The following ATG7 variants were observed in gnomAD, a reference collection of about 807,000 sequenced individuals.
ATG7 encodes the protein autophagy related 7.
In ATG7, 70 loss-of-function variants were observed where a neutral mutation model predicts 82.4. The ratio of observed to expected loss-of-function variants is 0.85; its 90% CI spans 0.70 to 1.04. The LOEUF (loss-of-function observed/expected upper bound fraction) is 1.04. Ranked by LOEUF, ATG7 falls within the 50% of genes least tolerant of loss-of-function variation. The pLI is 0.00. For synonymous variants in ATG7, 287 were observed against 313.0 expected, an observed-to-expected ratio of 0.92 and a Z score of 0.88; for missense variants, 792 against 864.3, an observed-to-expected ratio of 0.92 and a Z score of 1.05.
intron 8 of ATG7, 57 bp downstream of exon 8, chr3:11,313,477 A>G: frequency 7.8e-7 from 1 of 1,277,168 alleles, no homozygotes; most frequent in Non-Finnish European, 1.1e-6. Flanking sequence ...AAGAGTAGTT[A>G]TGTAGTTCTT....
Position 11,368,650 on chromosome 3 carries a change from G to GGCAC in ATG7, c.1875+3921_1875+3924dup, listed in dbSNP as rs1255228676. On this transcript the variant is annotated intron_variant, in intron 18 of 20. Coordinates refer to ENST00000693202, the MANE Select transcript of ATG7 (RefSeq NM_001349232.2). ...CTACAAAAAATTAGCCAGGTGTGGTGGCACGCACCTGTGGGAGTTTGAGGC... is the reference window on the plus strand; with the variant it reads ...CTACAAAAAATTAGCCAGGTGTGGTGGCACGCACGCACCTGTGGGAGTTTGAGGC... Among the ~76,000 whole-genome samples, 4 of 151,128 alleles carry GGCAC rather than the reference G, an allele frequency of 2.6e-5. 1 individual carries two copies. Among genetic ancestry groups the GGCAC allele is most frequent in the Admixed American group, 2.0e-4 (3 of 15,124 alleles).
chr3:11,507,361 C>T (rs1005344949), intron 20 of ATG7, among the ~76,000 whole-genome samples: 1 of 152,096 alleles, frequency 6.6e-6, no homozygotes, highest in African/African-American at 2.4e-5. Flanking sequence ...TGTTGAAATA[C>T]AATTATCAAA....
chr3:11,550,771 CT>C (rs2071701617), intron 20 of ATG7, among the ~76,000 whole-genome samples: 1 of 151,962 alleles, frequency 6.6e-6, no homozygotes, highest in African/African-American at 2.4e-5. Context: ...CTCAGTTTGC[CT>C]TTTTGACTGT....
intron 20 of ATG7, among the ~76,000 whole-genome samples, chr3:11,528,872 A>G (rs1435726427): frequency 2.6e-5 from 4 of 152,066 alleles, no homozygotes; most frequent in Non-Finnish European, 5.9e-5. Context: ...TGAGAATAAA[A>G]TCACAATTCA....
At chr3:11,400,353 A>G (rs1419106613) in intron 19 of ATG7, among the ~76,000 whole-genome samples, 2 of 151,366 alleles carry the variant, frequency 1.3e-5, no homozygotes, top group African/African-American at 4.9e-5. Context: ...TACCCAGATA[A>G]TAGGGGTAGG....
At chr3:11,340,875 T>C (rs1326877698) in intron 12 of ATG7, 140 bp downstream of exon 12, 12 of 669,956 alleles carry the variant, frequency 1.8e-5, no homozygotes, top group African/African-American at 7.3e-5. Flanking sequence ...TGCTCTTCAA[T>C]TGAAGTTTGG....
intron 8 of ATG7, 48 bp from the exon 9 acceptor site, chr3:11,315,296 C>T: frequency 6.9e-7 from 1 of 1,458,826 alleles, no homozygotes; most frequent in Non-Finnish European, 9.1e-7. Context: ...TAGCCCAGAA[C>T]TAGAAATGTA....
intron 20 of ATG7, among the ~76,000 whole-genome samples, chr3:11,547,612 G>A (rs2071406157): frequency 6.6e-6 from 1 of 152,264 alleles, no homozygotes; most frequent in South Asian, 2.1e-4. Flanking sequence ...TTATGAGGTG[G>A]CTGAACCATT....
At chr3:11,497,361 A>ATATATATGTG (rs1287065693) in intron 20 of ATG7, among the ~76,000 whole-genome samples, 1 of 57,900 alleles carries the variant, frequency 1.7e-5, no homozygotes, top group African/African-American at 7.0e-5. Context: ...AAAATACTAT[A>ATATATATGTG]TATATATATA....
chr3:11,540,978 C>T (rs1192576222), intron 20 of ATG7, among the ~76,000 whole-genome samples: 2 of 149,942 alleles, frequency 1.3e-5, no homozygotes, highest in African/African-American at 2.4e-5. Context: ...TGGCTCACTG[C>T]AAGCTCCGCC....
At chr3:11,501,855 A>G (rs1190871582) in intron 20 of ATG7, among the ~76,000 whole-genome samples, 1 of 151,918 alleles carries the variant, frequency 6.6e-6, no homozygotes, top group Non-Finnish European at 1.5e-5. Flanking sequence ...ACATCCGGCT[A>G]ATTTTTGCAT....
chr3:11,558,379 C>G (rs1378327428), downstream of ATG7: 3 of 1,067,266 alleles, frequency 2.8e-6, no homozygotes, highest in African/African-American at 4.8e-5. Flanking sequence ...CCCCCTTGTA[C>G]GGATACCAAG....
At chr3:11,359,532 A>G (rs2076152371) in intron 15 of ATG7, among the ~76,000 whole-genome samples, 1 of 151,970 alleles carries the variant, frequency 6.6e-6, no homozygotes, top group African/African-American at 2.4e-5. Flanking sequence ...CTCTCTCTAG[A>G]AGAAAAACAA....
chr3:11,568,548 C>T, the ATG7 span: 8 of 1,550,088 alleles, frequency 5.2e-6, no homozygotes, highest in East Asian at 2.4e-5. This position sits in a 1 kb window ranked among gnomAD's most constrained non-coding sequence, Gnocchi z 5.9. Context: ...CTGAAAACAG[C>T]GAGAAAAGGC....
At chr3:11,416,146 T>C (rs1175761262) in intron 19 of ATG7, among the ~76,000 whole-genome samples, 3 of 152,002 alleles carry the variant, frequency 2.0e-5, no homozygotes, top group Admixed American at 2.0e-4. Flanking sequence ...TCTATGTTCA[T>C]GAGATATATT....
At chr3:11,538,482 TC>T (rs2070513756) in intron 20 of ATG7, among the ~76,000 whole-genome samples, 1 of 151,672 alleles carries the variant, frequency 6.6e-6, no homozygotes, top group Non-Finnish European at 1.5e-5. Flanking sequence ...AGCTCTGAGT[TC>T]CTTAAGTGTA....
intron 3 of ATG7, among the ~76,000 whole-genome samples, chr3:11,297,620 A>G (rs1946156048): frequency 6.6e-6 from 1 of 152,198 alleles, no homozygotes; most frequent in South Asian, 2.1e-4. Context: ...GGGAAATGAA[A>G]TAATAAAATA....
At chr3:11,552,689 C>T (rs1339822906) in intron 20 of ATG7, among the ~76,000 whole-genome samples, 1 of 152,160 alleles carries the variant, frequency 6.6e-6, no homozygotes, top group African/African-American at 2.4e-5. Context: ...AAATAATAAT[C>T]CCCGCACAAT....
chr3:11,287,439 G>T (rs186128376), intron 3 of ATG7, among the ~76,000 whole-genome samples: 1 of 152,302 alleles, frequency 6.6e-6, no homozygotes, highest in Non-Finnish European at 1.5e-5. Flanking sequence ...GGCCATGGGG[G>T]CCTGAGAGCG....
Sources: gnomAD v4.1 joint callset for allele counts (sites outside exome capture counted in the v4.1 genomes callset) on GRCh38, gnomAD v4.1.1 for gene constraint, Gnocchi (gnomAD v3.1) non-coding constraint, MANE v1.5 for transcripts, NCBI Gene and HGNC (gene_info 2026-07-23, HGNC 2026-07-21) for gene names.